Variants in MIPOL1 observed in about 807,000 individuals in gnomAD.
The protein encoded by MIPOL1 is mirror-image polydactyly 1.
MIPOL1 carries 57 observed loss-of-function variants against 60.9 expected under a neutral mutation model. That is an observed-to-expected ratio of 0.94 (90% confidence interval 0.76 to 1.17). The LOEUF (loss-of-function observed/expected upper bound fraction) is 1.17. Among genes scored for constraint, MIPOL1 ranks in the 50% most tolerant of loss-of-function variants. The pLI is 0.00. For missense variants in MIPOL1, 551 were observed against 511.6 expected (o/e 1.08, Z -0.74); for synonymous variants, 179 against 168.8 (o/e 1.06, Z -0.47).
intron 7 of MIPOL1, among the ~76,000 whole-genome samples, chr14:37,304,104 A>C (rs572383270): frequency 1.3e-4 from 19 of 151,746 alleles, no homozygotes; most frequent in Admixed American, 4.0e-4. Context: ...GCTTGACTGA[A>C]AGGTATATTT....
At chr14:37,343,145 C>T (rs1209229803) in intron 9 of MIPOL1, among the ~76,000 whole-genome samples, 1 of 151,650 alleles carries the variant, frequency 6.6e-6, no homozygotes, top group East Asian at 1.9e-4. Flanking sequence ...TACACACATA[C>T]ATATCAGCTG....
intron 10 of MIPOL1, among the ~76,000 whole-genome samples, chr14:37,370,419 T>G (rs1225780340): frequency 1.1e-4 from 1 of 8,916 alleles, no homozygotes; most frequent in Non-Finnish European, 5.0e-4. Context: ...ACAGAAAAGA[T>G]TCATCAGTTT....
intron 10 of MIPOL1, among the ~76,000 whole-genome samples, chr14:37,370,775 C>T (rs763275871): frequency 1.3e-5 from 2 of 152,106 alleles, no homozygotes; most frequent in African/African-American, 2.4e-5. Context: ...GAGAAAGGAA[C>T]AAATTATAGA....
At chr14:37,309,142 A>AGTGT (rs1002747618) in intron 9 of MIPOL1, among the ~76,000 whole-genome samples, 2 of 141,538 alleles carry the variant, frequency 1.4e-5, no homozygotes, top group Non-Finnish European at 3.1e-5. Context: ...TTATTTATTT[A>AGTGT]GTGTGTGTGG....
At chr14:37,468,453 T>A (rs187003072) in intron 11 of MIPOL1, among the ~76,000 whole-genome samples, 4 of 152,320 alleles carry the variant, frequency 2.6e-5, no homozygotes, top group East Asian at 3.9e-4. Context: ...GGGGTATTTT[T>A]AAATTATTCT....
intron 6 of MIPOL1, chr14:37,276,399 T>C (rs2083663456): frequency 6.6e-6 from 1 of 151,130 alleles, no homozygotes. Context: ...ACAACTTAAG[T>C]TTTTCTATTC....
At chr14:37,398,096 G>A (rs2093411640) in intron 10 of MIPOL1, among the ~76,000 whole-genome samples, 1 of 152,042 alleles carries the variant, frequency 6.6e-6, no homozygotes, top group South Asian at 2.1e-4. Flanking sequence ...TCCCTGTGGT[G>A]CCAGGCAGGA....
chr14:37,254,454 G>A (rs1258700631), intron 3 of MIPOL1, among the ~76,000 whole-genome samples: 1 of 151,572 alleles, frequency 6.6e-6, no homozygotes, highest in Non-Finnish European at 1.5e-5. Context: ...TTATGTTTTG[G>A]CAGTTTAAAA....
intron 1 of MIPOL1, among the ~76,000 whole-genome samples, chr14:37,204,254 A>G (rs895113734): frequency 2.6e-5 from 4 of 152,178 alleles, no homozygotes; most frequent in African/African-American, 7.2e-5. Context: ...ATTTTTAGCA[A>G]CTGTGAGATT....
intron 1 of MIPOL1, among the ~76,000 whole-genome samples, chr14:37,213,920 A>G (rs1431935209): frequency 4.0e-5 from 6 of 150,264 alleles, no homozygotes; most frequent in Non-Finnish European, 8.8e-5. Context: ...GTCATGACAT[A>G]TTTAAAGTGC....
intron 11 of MIPOL1, among the ~76,000 whole-genome samples, chr14:37,475,433 A>G (rs1270254548): frequency 6.6e-6 from 1 of 152,044 alleles, no homozygotes; most frequent in Non-Finnish European, 1.5e-5. Flanking sequence ...AATGATGTCC[A>G]ACTTACCTGT....
rs535978128 is a variant in MIPOL1, at chr14:37,451,808, C to CTTTTTTTTTTTTTT, written c.1031+28870_1031+28883dup. On this transcript the variant is annotated intron_variant, in intron 11 of 12. Coordinates refer to ENST00000684589, the MANE Select transcript of MIPOL1 (RefSeq NM_001388067.1). ...CTTAAGGTTCTTTTGTTTATTCTCT[C>CTTTTTTTTTTTTTT]TTTTTTTTTTTTTTTTTTTTTTTTG... is the stretch of plus-strand genomic sequence containing the variant. Among the ~76,000 whole-genome samples, 61 of 84,558 alleles carry CTTTTTTTTTTTTTT rather than the reference C, an allele frequency of 7.2e-4. 4 individuals are homozygous for CTTTTTTTTTTTTTT. Among genetic ancestry groups the CTTTTTTTTTTTTTT allele is most frequent in the African/African-American group, 3.7e-3 (59 of 15,744 alleles). The allele number at this position is 84,558 out of a possible 152,430, so 55.5% of individuals were successfully genotyped here.
chr14:37,373,080 T>G (rs1214343826), intron 10 of MIPOL1, among the ~76,000 whole-genome samples: 1 of 152,146 alleles, frequency 6.6e-6, no homozygotes, highest in Non-Finnish European at 1.5e-5. Flanking sequence ...CTCAGCTCAC[T>G]GCAACTTCTG....
chr14:37,476,730 A>G (rs1013470959), intron 11 of MIPOL1, among the ~76,000 whole-genome samples: 2 of 152,014 alleles, frequency 1.3e-5, no homozygotes, highest in African/African-American at 4.8e-5. Context: ...GGAGTACATT[A>G]ATTGATTTTT....
chr14:37,462,443 C>T (rs1419424931), intron 11 of MIPOL1, among the ~76,000 whole-genome samples: 1 of 152,204 alleles, frequency 6.6e-6, no homozygotes, highest in African/African-American at 2.4e-5. Context: ...AGACATTTCT[C>T]CATTGTCTTG....
intron 10 of MIPOL1, among the ~76,000 whole-genome samples, chr14:37,408,580 G>A (rs1458869911): frequency 1.3e-5 from 2 of 152,144 alleles, no homozygotes. Context: ...AGTGAGTTGA[G>A]ATTGCACCAC....
At chr14:37,382,585 T>A (rs1179646879) in intron 10 of MIPOL1, among the ~76,000 whole-genome samples, 3 of 152,022 alleles carry the variant, frequency 2.0e-5, no homozygotes, top group African/African-American at 7.2e-5. Flanking sequence ...TACCAGTTCA[T>A]CTAAAGAACT....
chr14:37,457,348 T>C lies in MIPOL1; in HGVS notation c.1031+34399T>C, dbSNP rs578153643. On this transcript the variant is annotated intron_variant, in intron 11 of 12. Coordinates refer to ENST00000684589, the MANE Select transcript of MIPOL1 (RefSeq NM_001388067.1). ...CTTGAACAGTCTGGCACAAAGTAGG[T>C]GCTCTGAATAAATGAGAATAGACAT... Among the ~76,000 whole-genome samples, 3 of 152,302 alleles carry C rather than the reference T, an allele frequency of 2.0e-5. No individual in the cohort carries two copies. The East Asian group carries it at 5.8e-4, about 29-fold the overall frequency.
Position 37,530,821 on chromosome 14 carries a change from A to G in MIPOL1, c.1263-16084A>G, listed in dbSNP as rs143307015. ...CAGCTGGAGGCTGCATGTAGAAAGG[A>G]TTTTTTTTTTTTTTAAGATGGAGTC... is the stretch of plus-strand genomic sequence containing the variant. On this transcript the variant is annotated intron_variant, in intron 12 of 12. Coordinates refer to ENST00000684589, the MANE Select transcript of MIPOL1 (RefSeq NM_001388067.1). Among the ~76,000 whole-genome samples, 452 of 145,272 alleles carry G rather than the reference A, an allele frequency of 3.1e-3. 4 individuals carry two copies. Among genetic ancestry groups the G allele is most frequent in the Non-Finnish European group, 1.9e-3 (126 of 65,610 alleles).
Sources: allele counts gnomAD v4.1 joint callset (sites outside exome capture counted in the v4.1 genomes callset), GRCh38; gene constraint gnomAD v4.1.1; transcripts MANE v1.5; gene names NCBI Gene and HGNC (gene_info 2026-07-23, HGNC 2026-07-21).